Variants in DSE observed in about 807,000 individuals in gnomAD.
DSE encodes the protein dermatan-sulfate epimerase.
A neutral mutation model predicts 84.4 loss-of-function variants in DSE; 36 were observed. The observed-to-expected ratio is 0.43, with a 90% confidence interval of 0.33 to 0.56. The LOEUF (loss-of-function observed/expected upper bound fraction) is 0.56. Among genes scored for constraint, DSE ranks in the 20% least tolerant of loss-of-function variants. The pLI is 0.06. For synonymous variants in DSE, 410 were observed against 430.1 expected, an observed-to-expected ratio of 0.95 and a Z score of 0.58; for missense variants, 862 against 1,169.6, an observed-to-expected ratio of 0.74 and a Z score of 3.84.
intron 2 of DSE, among the ~76,000 whole-genome samples, chr6:116,336,715 A>G (rs1777273498): frequency 6.6e-6 from 1 of 150,650 alleles, no homozygotes; most frequent in Non-Finnish European, 1.5e-5. Context: ...AGATCATGCC[A>G]TTGCACTCCA....
intron 1 of DSE, among the ~76,000 whole-genome samples, chr6:116,378,493 T>C (rs1286584421): frequency 1.3e-5 from 2 of 152,168 alleles, no homozygotes; most frequent in African/African-American, 2.4e-5. Context: ...ACTGGTTAAA[T>C]ATTGATCATA....
intron 2 of DSE, among the ~76,000 whole-genome samples, chr6:116,415,315 C>T (rs1056207201): frequency 4.6e-5 from 7 of 152,186 alleles, no homozygotes; most frequent in African/African-American, 1.2e-4. Flanking sequence ...TCTGACCCCA[C>T]TATTCCTGAT....
At chr6:116,327,144 A>C (rs1776671273) in intron 2 of DSE, among the ~76,000 whole-genome samples, 1 of 152,266 alleles carries the variant, frequency 6.6e-6, no homozygotes, top group African/African-American at 2.4e-5. Context: ...AACAGGAAAA[A>C]GTCGAGGATT....
At chr6:116,276,175 G>A (rs910937431) in intron 2 of DSE, among the ~76,000 whole-genome samples, 21 of 152,142 alleles carry the variant, frequency 1.4e-4, no homozygotes, top group African/African-American at 5.1e-4. Context: ...CCAAGGGCAG[G>A]CCTTGAAGGA....
intron 1 of DSE, among the ~76,000 whole-genome samples, chr6:116,395,149 G>T (rs974270269): frequency 1.4e-5 from 2 of 146,294 alleles, no homozygotes; most frequent in African/African-American, 5.1e-5. Flanking sequence ...GGGTTGGCTG[G>T]GCGCGGTGGC....
chr6:116,394,256 G>A (rs1174566990), intron 1 of DSE, among the ~76,000 whole-genome samples: 1 of 152,132 alleles, frequency 6.6e-6, no homozygotes, highest in Non-Finnish European at 1.5e-5. Flanking sequence ...GTGGATTGTT[G>A]GAACCAGAAT....
chr6:116,374,072 C>T (rs981180213), intron 1 of DSE, among the ~76,000 whole-genome samples: 13 of 152,270 alleles, frequency 8.5e-5, no homozygotes, highest in African/African-American at 3.1e-4. Context: ...TAACCTGAAA[C>T]TGTCAAAGGA....
At chr6:116,373,191 A>T (rs1254152174) in intron 1 of DSE, among the ~76,000 whole-genome samples, 5 of 152,158 alleles carry the variant, frequency 3.3e-5, no homozygotes, top group Non-Finnish European at 7.4e-5. Flanking sequence ...GGTCTCTACT[A>T]AAAATACAAA....
At chr6:116,294,845 A>G (rs1225225307) in intron 2 of DSE, among the ~76,000 whole-genome samples, 1 of 152,126 alleles carries the variant, frequency 6.6e-6, no homozygotes, top group African/African-American at 2.4e-5. Context: ...TTTATTACCA[A>G]TTACCAGTGG....
intron 2 of DSE, among the ~76,000 whole-genome samples, chr6:116,417,204 C>G (rs1180842960): frequency 6.6e-6 from 1 of 152,142 alleles, no homozygotes; most frequent in Non-Finnish European, 1.5e-5. Flanking sequence ...GCAAAGTATA[C>G]TTACTCAGTT....
chr6:116,296,169 G>C lies in DSE; in HGVS notation c.-54+37202G>C, dbSNP rs1487938669. On this transcript the variant is annotated intron_variant, in intron 2 of 3. Coordinates refer to the DSE transcript ENST00000430252. The stretch of plus-strand genomic sequence containing the variant: ...GAAGTCCTTGATAGAAAATGATGTA[G>C]TATTTGTGTATAACCTACACACATC... Among the ~76,000 whole-genome samples the C allele has an allele frequency of 3.3e-5, 5 of 152,080 alleles. No individual in the cohort carries two copies. The East Asian group carries it at 9.6e-4, about 29-fold the overall frequency.
chr6:116,417,912 TAGTA>T (rs1183195596), intron 2 of DSE, among the ~76,000 whole-genome samples: 1 of 152,050 alleles, frequency 6.6e-6, no homozygotes, highest in Admixed American at 6.5e-5. Flanking sequence ...TTTTAATCAG[TAGTA>T]AGTATTTCAG....
intron 2 of DSE, among the ~76,000 whole-genome samples, chr6:116,292,287 G>C (rs576612225): frequency 3.9e-5 from 6 of 152,186 alleles, no homozygotes; most frequent in African/African-American, 1.4e-4. Context: ...AGAACCAGAA[G>C]AGTGTTGTTT....
At chr6:116,384,919 C>T (rs1324393263) in intron 1 of DSE, among the ~76,000 whole-genome samples, 3 of 151,972 alleles carry the variant, frequency 2.0e-5, no homozygotes, top group African/African-American at 4.8e-5. Flanking sequence ...AGAAATAAAA[C>T]CCAGGAGGGA....
chr6:116,292,672 CA>C (rs957025055), intron 2 of DSE, among the ~76,000 whole-genome samples: 15 of 146,880 alleles, frequency 1.0e-4, no homozygotes, highest in African/African-American at 1.5e-4. Flanking sequence ...AGCAAACAAA[CA>C]AAAAAAAAGA....
intron 2 of DSE, among the ~76,000 whole-genome samples, chr6:116,354,088 G>A (rs1187838353): frequency 1.3e-5 from 2 of 152,102 alleles, no homozygotes; most frequent in African/African-American, 4.8e-5. Context: ...CTTGGATATA[G>A]TATTTCCTGA....
intron 2 of DSE, among the ~76,000 whole-genome samples, chr6:116,323,725 G>A (rs991187550): frequency 1.1e-4 from 16 of 152,136 alleles, no homozygotes; most frequent in Non-Finnish European, 1.8e-4. Context: ...ATGTTTAATA[G>A]CATTTCAGGT....
chr6:116,254,265 AC>A, exon 1 of DSE: 1 of 678,638 alleles, frequency 1.5e-6, no homozygotes, highest in Non-Finnish European at 2.7e-6. Context: ...AGTTTTACTT[AC>A]GTAAATGGAT....
At chr6:116,367,106 G>C (rs551453522), upstream of DSE, 44 of 152,392 alleles carry the variant, frequency 2.9e-4, no homozygotes, top group African/African-American at 1.0e-3. Context: ...CGCTGAGAAA[G>C]GCAGGGAGGG....
Sources: gnomAD v4.1 joint callset for allele counts (sites outside exome capture counted in the v4.1 genomes callset) on GRCh38, gnomAD v4.1.1 for gene constraint, MANE v1.5 for transcripts, NCBI Gene and HGNC (gene_info 2026-07-23, HGNC 2026-07-21) for gene names.